The following FERRY3 variants were observed in gnomAD, a reference collection of about 807,000 sequenced individuals.
FERRY3 encodes FERRY endosomal RAB5 effector complex subunit 3.
chr12:4,534,414 T>C, the FERRY3 span: 4 of 1,194,996 alleles, frequency 3.3e-6, no homozygotes, highest in South Asian at 3.3e-5. Flanking sequence ...TTTTATTTTT[T>C]ATTTAGAGAT....
the FERRY3 span, chr12:4,489,830 G>C: frequency 6.2e-7 from 1 of 1,608,190 alleles, no homozygotes; most frequent in Admixed American, 1.7e-5. Flanking sequence ...GTCAGAGTGA[G>C]TGTTGATGAT....
chr12:4,504,652 T>C, the FERRY3 span, among the ~76,000 whole-genome samples: 1 of 152,250 alleles, frequency 6.6e-6, no homozygotes, highest in Non-Finnish European at 1.5e-5. Flanking sequence ...ATAGTTTATA[T>C]TTCAGAGTAA....
At chr12:4,517,988 T>C in the FERRY3 span, 2 of 1,426,488 alleles carry the variant, frequency 1.4e-6, no homozygotes, top group Non-Finnish European at 1.9e-6. Context: ...TTCCCTGTAA[T>C]TCCTTTCTTT....
the FERRY3 span, chr12:4,534,249 C>T: frequency 8.7e-6 from 14 of 1,612,488 alleles, no homozygotes; most frequent in Admixed American, 2.3e-4. Flanking sequence ...GCATCTCTAT[C>T]ATAATCGCTG....
the FERRY3 span, among the ~76,000 whole-genome samples, chr12:4,537,377 T>C: frequency 6.6e-6 from 1 of 152,222 alleles, no homozygotes; most frequent in Non-Finnish European, 1.5e-5. Context: ...CTCTATTTCT[T>C]ACTCTTGGCT....
the FERRY3 span, among the ~76,000 whole-genome samples, chr12:4,500,893 C>T: frequency 7.2e-5 from 11 of 152,188 alleles, no homozygotes; most frequent in Non-Finnish European, 8.8e-5. Flanking sequence ...CCTCATGATC[C>T]GCCCGCCTTG....
At chr12:4,491,294 G>A in the FERRY3 span, 1 of 1,470,862 alleles carries the variant, frequency 6.8e-7, no homozygotes, top group Non-Finnish European at 9.5e-7. Flanking sequence ...AAAAAATAAA[G>A]TCAGATCTTT....
chr12:4,490,545 T>C, the FERRY3 span: 1 of 1,609,598 alleles, frequency 6.2e-7, no homozygotes, highest in African/African-American at 1.3e-5. Context: ...AATTGCACTG[T>C]CCTAGAAATT....
chr12:4,510,307 T>C, the FERRY3 span, among the ~76,000 whole-genome samples: 4 of 146,326 alleles, frequency 2.7e-5, no homozygotes, highest in Non-Finnish European at 6.0e-5. Flanking sequence ...TGGAACCAAG[T>C]TGGAAAACAC....
chr12:4,512,995 T>C, the FERRY3 span, among the ~76,000 whole-genome samples: 5 of 41,400 alleles, frequency 1.2e-4, no homozygotes, highest in African/African-American at 4.2e-4. Flanking sequence ...GAAAACCCCA[T>C]TGTCTCAGCC....
the FERRY3 span, among the ~76,000 whole-genome samples, chr12:4,530,645 C>T: frequency 6.6e-6 from 1 of 152,108 alleles, no homozygotes; most frequent in Non-Finnish European, 1.5e-5. Context: ...TTAGTTTGAC[C>T]TTTTCTAGTG....
At chr12:4,536,177 T>A in the FERRY3 span, 1 of 1,587,028 alleles carries the variant, frequency 6.3e-7, no homozygotes, top group Non-Finnish European at 8.6e-7. Flanking sequence ...TGCAGAATCT[T>A]TCTCTGTTTT....
chr12:4,497,145 A>AAAT, the FERRY3 span, among the ~76,000 whole-genome samples: 1 of 152,248 alleles, frequency 6.6e-6, no homozygotes, highest in African/African-American at 2.4e-5. Context: ...AAATGTCCAC[A>AAAT]AATAGTAGAA....
chr12:4,506,727 T>A, the FERRY3 span, among the ~76,000 whole-genome samples: 1 of 152,170 alleles, frequency 6.6e-6, no homozygotes, highest in Non-Finnish European at 1.5e-5. Flanking sequence ...TTATTTTTTT[T>A]AAATGTATAT....
the FERRY3 span, chr12:4,518,327 C>A: frequency 7.4e-7 from 1 of 1,346,812 alleles, no homozygotes. Context: ...AGATGCAAAT[C>A]TCTATGGCAA....
the FERRY3 span, chr12:4,517,938 G>T: frequency 4.0e-6 from 3 of 744,264 alleles, no homozygotes; most frequent in Non-Finnish European, 6.5e-6. Flanking sequence ...TGTTTGTTTG[G>T]TCTACTTGGA....
chr12:4,526,618 GATCACCTGAGGTC>G, the FERRY3 span, among the ~76,000 whole-genome samples: 1 of 152,060 alleles, frequency 6.6e-6, no homozygotes, highest in East Asian at 1.9e-4. Context: ...GAGGTGGGCG[GATCACCTGAGGTC>G]AGGAGTTCAA....
chr12:4,501,055 C>T, the FERRY3 span, among the ~76,000 whole-genome samples: 3 of 152,140 alleles, frequency 2.0e-5, no homozygotes, highest in African/African-American at 7.2e-5. Context: ...CAGTTAGTTG[C>T]CCAGGACACA....
chr12:4,525,839 A>C, the FERRY3 span, among the ~76,000 whole-genome samples: 6 of 152,204 alleles, frequency 3.9e-5, no homozygotes, highest in Non-Finnish European at 7.4e-5. Context: ...GCACAGACGA[A>C]TGCAGTCAAA....
Sources: allele counts gnomAD v4.1 joint callset (sites outside exome capture counted in the v4.1 genomes callset), GRCh38; gene constraint gnomAD v4.1.1; transcripts MANE v1.5; gene names NCBI Gene and HGNC (gene_info 2026-07-23, HGNC 2026-07-21).